The following TJP1 variants were observed in gnomAD, a reference collection of about 807,000 sequenced individuals.
TJP1 encodes tight junction protein 1.
A neutral mutation model predicts 194.2 loss-of-function variants in TJP1; 43 were observed. The ratio of observed to expected loss-of-function variants is 0.22; its 90% CI spans 0.17 to 0.29. The LOEUF is 0.29. Ranked by LOEUF, TJP1 falls within the 10% of genes least tolerant of loss-of-function variation. The pLI is 1.00. For synonymous variants in TJP1, 801 were observed against 779.0 expected, an observed-to-expected ratio of 1.03 and a Z score of -0.47; for missense variants, 1,971 against 2,185.7, an observed-to-expected ratio of 0.90 and a Z score of 1.96.
chr15:29,956,143 A>T (rs2055932267), intron 2 of TJP1: 4 of 1,067,560 alleles, frequency 3.7e-6, no homozygotes, highest in Non-Finnish European at 4.6e-6. Context: ...CTGCCACAAA[A>T]TAAGTCTGCT....
chr15:29,770,311 C>T lies in TJP1; in HGVS notation c.312+1753G>A, dbSNP rs201940345. 4.6e-5 allele frequency among the ~76,000 whole-genome samples: 7 copies of T among 151,776 alleles called. No homozygotes were observed. The East Asian group carries it at 9.7e-4, about 21-fold the overall frequency. On this transcript the variant is annotated intron_variant, in intron 4 of 27. Coordinates refer to ENST00000614355, the MANE Select transcript of TJP1 (RefSeq NM_001330239.4). ...AAAATACAAAATACGGGCTTGGTAG[C>T]GGTCGCCTGTAATCCCAAGGCTGAA...
At chr15:29,926,429 T>C (rs1009049555) in intron 2 of TJP1, among the ~76,000 whole-genome samples, 1 of 152,052 alleles carries the variant, frequency 6.6e-6, no homozygotes, top group African/African-American at 2.4e-5. Context: ...CTGGCCGACA[T>C]GGTGAAACCG....
In TJP1 at chr15:29,732,813, G is replaced by A; in HGVS notation, c.1739C>T (p.Ala580Val). 6.4e-7 allele frequency: 1 copy of A among 1,573,600 alleles called. No homozygotes were observed. The highest frequency in any genetic ancestry group is 8.6e-7 in the Non-Finnish European group (1 of 1,165,716). ...ERGIIPNKNRAEQLASVQYTL... is the reference protein window; with the variant it reads ...ERGIIPNKNRVEQLASVQYTL... The stretch of plus-strand genomic sequence containing the variant: ...ATACTGTACACTGGCTAGCTGCTCA[G>A]CTCTACACAAGAAAGGAGAAAATTA... The change falls in exon 14 of 28, where the codon GCT becomes GTT. Residue 580 changes from alanine to valine, a missense_variant and splice_region_variant. Ala to Val is a moderately conservative substitution (Grantham distance 64). Transcript: ENST00000614355.
intron 8 of TJP1, among the ~76,000 whole-genome samples, chr15:29,749,542 G>T (rs2045102603): frequency 1.3e-5 from 2 of 152,148 alleles, no homozygotes; most frequent in South Asian, 4.1e-4. Flanking sequence ...CCCTCAGCAT[G>T]CTCCTGCAGT....
chr15:29,725,547 T>C (rs1316403121), intron 18 of TJP1, among the ~76,000 whole-genome samples: 1 of 151,782 alleles, frequency 6.6e-6, no homozygotes, highest in Non-Finnish European at 1.5e-5. Context: ...CAAAACTTAC[T>C]GCACTGATCT....
intron 2 of TJP1, among the ~76,000 whole-genome samples, chr15:29,897,568 T>C (rs1181725528): frequency 6.6e-6 from 1 of 151,986 alleles, no homozygotes; most frequent in African/African-American, 2.4e-5. Flanking sequence ...GAATGGTAGA[T>C]CCACCAACAG....
intron 15 of TJP1, 32 bp from the exon 16 acceptor site, chr15:29,728,051 T>C (rs1459346885): frequency 6.3e-7 from 1 of 1,581,000 alleles, no homozygotes; most frequent in Non-Finnish European, 8.7e-7. Context: ...AAATAAGACA[T>C]CAAATTTTCA....
At chr15:29,903,451 CT>C (rs879744972) in intron 2 of TJP1, among the ~76,000 whole-genome samples, 45 of 146,858 alleles carry the variant, frequency 3.1e-4, no homozygotes, top group African/African-American at 5.0e-4. Flanking sequence ...GTTTCAGAAT[CT>C]TTTTTTTTTT....
At chr15:29,764,000 C>A (rs2046175066) in intron 5 of TJP1, among the ~76,000 whole-genome samples, 1 of 151,974 alleles carries the variant, frequency 6.6e-6, no homozygotes, top group Admixed American at 6.6e-5. Flanking sequence ...CAGATGACCC[C>A]AAAATATTTC....
intron 2 of TJP1, among the ~76,000 whole-genome samples, chr15:29,903,723 C>T (rs542974482): frequency 2.0e-5 from 3 of 152,190 alleles, no homozygotes; most frequent in Non-Finnish European, 4.4e-5. Flanking sequence ...GGATTACAGG[C>T]GTGAGCTACC....
chr15:29,964,157 C>T (rs1459507603), intron 1 of TJP1, among the ~76,000 whole-genome samples: 3 of 152,112 alleles, frequency 2.0e-5, no homozygotes, highest in African/African-American at 7.2e-5. Context: ...TAAAGATCTC[C>T]AGATGAGATC....
chr15:29,967,052 C>T (rs955254618), intron 1 of TJP1, among the ~76,000 whole-genome samples: 21 of 150,304 alleles, frequency 1.4e-4, no homozygotes, highest in African/African-American at 3.4e-4. Context: ...GTCTCACTCT[C>T]GCCCAGGCTG....
At chr15:29,842,777 C>A (rs996818226) in intron 2 of TJP1, among the ~76,000 whole-genome samples, 1 of 152,190 alleles carries the variant, frequency 6.6e-6, no homozygotes, top group Non-Finnish European at 1.5e-5. Context: ...AACCCTGCTG[C>A]CCCCAGGTAA....
intron 1 of TJP1, among the ~76,000 whole-genome samples, chr15:29,809,259 C>T (rs1330442131): frequency 6.6e-6 from 1 of 151,836 alleles, no homozygotes; most frequent in East Asian, 1.9e-4. Context: ...TTAATTTTAC[C>T]TTAAAGTTTT....
At chr15:29,847,830 G>A (rs948157534) in intron 2 of TJP1, among the ~76,000 whole-genome samples, 3 of 151,854 alleles carry the variant, frequency 2.0e-5, no homozygotes, top group African/African-American at 7.3e-5. Flanking sequence ...TAGAGTAAGC[G>A]GTTAGTGCTA....
chr15:29,900,072 G>C (rs951036012), intron 2 of TJP1, among the ~76,000 whole-genome samples: 3 of 152,046 alleles, frequency 2.0e-5, no homozygotes, highest in African/African-American at 7.2e-5. Context: ...AGGGTGGGGG[G>C]ATGGCAAATG....
intron 2 of TJP1, among the ~76,000 whole-genome samples, chr15:29,832,902 G>C (rs181067522): frequency 7.2e-5 from 11 of 152,316 alleles, no homozygotes; most frequent in African/African-American, 2.2e-4. Context: ...CAAGTGGCCA[G>C]TGTGTGGAGA....
intron 2 of TJP1, among the ~76,000 whole-genome samples, chr15:29,856,851 C>A (rs2051873863): frequency 6.7e-6 from 1 of 149,912 alleles, no homozygotes; most frequent in Non-Finnish European, 1.5e-5. Flanking sequence ...GAGCAAGACT[C>A]CGTCTCAAAA....
chr15:29,784,322 A>G (rs536736501), intron 2 of TJP1, among the ~76,000 whole-genome samples: 2 of 152,202 alleles, frequency 1.3e-5, no homozygotes, highest in East Asian at 3.9e-4. Context: ...CTTTTGAGAC[A>G]GAGTTTCGCT....
Sources: gnomAD v4.1 joint callset for allele counts (sites outside exome capture counted in the v4.1 genomes callset) on GRCh38, gnomAD v4.1.1 for gene constraint, MANE v1.5 for transcripts, NCBI Gene and HGNC (gene_info 2026-07-23, HGNC 2026-07-21) for gene names.